The following DENND2B variants were observed in gnomAD, a reference collection of about 807,000 sequenced individuals.
DENND2B encodes the protein DENN domain-containing protein 2B.
A neutral mutation model predicts 116.0 loss-of-function variants in DENND2B; 32 were observed. That is an observed-to-expected ratio of 0.28 (90% CI 0.21 to 0.37). DENND2B has a LOEUF of 0.37. Among genes scored for constraint, DENND2B ranks in the 10% least tolerant of loss-of-function variants. DENND2B has a pLI of 1.00. For synonymous variants in DENND2B, 588 were observed against 583.9 expected, an observed-to-expected ratio of 1.01 and a Z score of -0.10; for missense variants, 1,276 against 1,477.7, an observed-to-expected ratio of 0.86 and a Z score of 2.24.
chr11:8,890,973 G>A (rs1317041497), intron 1 of DENND2B, among the ~76,000 whole-genome samples: 1 of 152,190 alleles, frequency 6.6e-6, no homozygotes, highest in Non-Finnish European at 1.5e-5. Flanking sequence ...AGGAAAAAAT[G>A]TTAAGGGCAG....
chr11:8,788,881 C>T (rs2059138783), intron 1 of DENND2B, among the ~76,000 whole-genome samples: 1 of 152,218 alleles, frequency 6.6e-6, no homozygotes, highest in East Asian at 1.9e-4. Flanking sequence ...AGGCCTTTTT[C>T]CTAGAGTATA....
intron 1 of DENND2B, among the ~76,000 whole-genome samples, chr11:8,790,463 C>T (rs932636491): frequency 6.6e-6 from 1 of 152,132 alleles, no homozygotes; most frequent in Non-Finnish European, 1.5e-5. Context: ...CTTACTTAGC[C>T]TATTTCTACT....
rs781717704 is a variant in DENND2B, at chr11:8,731,045, T to A, written c.245A>T (p.Asp82Val). The A allele has an allele frequency of 1.9e-6, 3 of 1,613,806 alleles. No homozygotes were observed. The highest frequency in any genetic ancestry group is 2.7e-5 in the African/African-American group (2 of 74,858). Residue 82 changes from aspartate to valine, a missense_variant, in exon 3 of 20, where the codon GAT (aspartate) becomes GTT (valine). By Grantham distance (152) the Asp-to-Val change is radical. Transcript: ENST00000313726. ...GGGTGGGGAAGTATCTGGGGAGGGA[T>A]CTTGAGGATTCTGGGGTGAAGGAGC... ...PPAPSPQNPQ[D>V]PSPDTSPPTC...
At chr11:8,708,437 G>T in intron 11 of DENND2B, 1 of 655,440 alleles carries the variant, frequency 1.5e-6, no homozygotes, top group Non-Finnish European at 1.9e-6. Context: ...TTGTGAGAGA[G>T]GGATTATTAT....
chr11:8,720,164 T>A (rs182516847), intron 4 of DENND2B, among the ~76,000 whole-genome samples: 1 of 152,238 alleles, frequency 6.6e-6, no homozygotes, highest in East Asian at 1.9e-4. Context: ...GTCCCCCAAC[T>A]GAGAACCACT....
At chr11:8,860,378 G>A (rs140090046) in intron 2 of DENND2B, among the ~76,000 whole-genome samples, 96 of 152,142 alleles carry the variant, frequency 6.3e-4, no homozygotes, top group African/African-American at 2.2e-3. Context: ...ACACAAATCA[G>A]TAGCACTGCT....
chr11:8,707,676 C>A lies in DENND2B; in HGVS notation c.2430+101G>T. 8.6e-7 allele frequency: 1 copy of A among 1,157,384 alleles called. No homozygotes were observed. The highest frequency in any genetic ancestry group is 1.2e-6 in the Non-Finnish European group (1 of 809,338). The allele number at this position is 1,157,384 out of a possible 1,614,324, so 71.7% of individuals were successfully genotyped here. A position where few individuals can be genotyped will look rare whatever the true frequency, so the allele number is the denominator to read the frequency against. ...GTTCCTGCATTCTGTCTCCCGCTCGCTCACAGTCACAGGTGGTTTTCTCAT... is the reference window on the plus strand; with the variant it reads ...GTTCCTGCATTCTGTCTCCCGCTCGATCACAGTCACAGGTGGTTTTCTCAT... On this transcript the variant is annotated intron_variant, in intron 12 of 19. Transcript: ENST00000313726. The surrounding 1 kb of genome is among the most constrained non-coding windows in gnomAD (Gnocchi z 4.8).
At chr11:8,799,282 T>A (rs1359137672) in intron 1 of DENND2B, among the ~76,000 whole-genome samples, 1 of 152,176 alleles carries the variant, frequency 6.6e-6, no homozygotes, top group Non-Finnish European at 1.5e-5. Flanking sequence ...CAGTGATGAC[T>A]CAAATGCAGA....
intron 1 of DENND2B, among the ~76,000 whole-genome samples, chr11:8,892,049 C>T (rs867718991): frequency 5.9e-5 from 9 of 152,162 alleles, no homozygotes; most frequent in East Asian, 1.9e-4. Context: ...GTCTCTCAGA[C>T]GACAGAGCAA....
At chr11:8,854,659 T>C (rs376773281) in intron 3 of DENND2B, among the ~76,000 whole-genome samples, 1 of 152,186 alleles carries the variant, frequency 6.6e-6, no homozygotes, top group East Asian at 1.9e-4. Flanking sequence ...GAGGATCACT[T>C]GAGCCCAGGA....
upstream of DENND2B, among the ~76,000 whole-genome samples, chr11:8,872,963 G>C (rs11042105): frequency 0.2 from 30,358 of 152,098 alleles, 3,169 homozygotes; most frequent in East Asian, 0.31. Context: ...ATATTTGGAT[G>C]AACTTAGCCC....
intron 16 of DENND2B, among the ~76,000 whole-genome samples, chr11:8,698,416 T>C (rs1373977518): frequency 6.6e-6 from 1 of 152,224 alleles, no homozygotes; most frequent in East Asian, 1.9e-4. Flanking sequence ...CATTGGTGTG[T>C]AACAGACAAT....
intron 3 of DENND2B, among the ~76,000 whole-genome samples, chr11:8,845,654 G>T (rs2062785742): frequency 6.6e-6 from 1 of 152,156 alleles, no homozygotes; most frequent in Admixed American, 6.5e-5. Flanking sequence ...TGTAAAGTGG[G>T]AGAAGAGTGA....
intron 2 of DENND2B, among the ~76,000 whole-genome samples, chr11:8,861,715 A>G (rs1482926720): frequency 5.9e-5 from 9 of 152,214 alleles, no homozygotes; most frequent in African/African-American, 2.2e-4. Context: ...TTATATCAAA[A>G]AGATACTTGC....
upstream of DENND2B, among the ~76,000 whole-genome samples, chr11:8,873,363 C>T (rs2063811954): frequency 6.6e-6 from 1 of 152,170 alleles, no homozygotes; most frequent in Non-Finnish European, 1.5e-5. Flanking sequence ...TTGGCCAATT[C>T]CATTGTAAGT....
intron 1 of DENND2B, among the ~76,000 whole-genome samples, chr11:8,784,773 G>A (rs930855466): frequency 1.3e-5 from 2 of 151,986 alleles, no homozygotes; most frequent in Admixed American, 6.6e-5. Flanking sequence ...GGGAGGTGGA[G>A]GCTGCAGTGA....
At chr11:8,811,248 T>G (rs1331876465), upstream of DENND2B, 1 of 398,530 alleles carries the variant, frequency 2.5e-6, no homozygotes, top group South Asian at 1.3e-4. Context: ...TCTGCTTACC[T>G]TGCTGCCTGT....
chr11:8,785,673 A>G (rs2058836411), intron 1 of DENND2B: 1 of 152,254 alleles, frequency 6.6e-6, no homozygotes, highest in Admixed American at 6.5e-5. Flanking sequence ...CCTGCCTAGC[A>G]TGTGTGACCC....
chr11:8,871,976 A>G (rs1442896523), upstream of DENND2B, among the ~76,000 whole-genome samples: 1 of 152,260 alleles, frequency 6.6e-6, no homozygotes, highest in Admixed American at 6.5e-5. Context: ...ATAAAATTTG[A>G]TAATAGAAAT....
Sources: gnomAD v4.1 joint callset for allele counts (sites outside exome capture counted in the v4.1 genomes callset) on GRCh38, gnomAD v4.1.1 for gene constraint, Gnocchi (gnomAD v3.1) non-coding constraint, MANE v1.5 for transcripts, NCBI Gene and HGNC (gene_info 2026-07-23, HGNC 2026-07-21) for gene names.